The following CACNA2D1 variants were observed in gnomAD, a reference collection of about 807,000 sequenced individuals.
CACNA2D1 encodes voltage-dependent calcium channel subunit alpha-2/delta-1.
Under a neutral mutation model 171.5 loss-of-function variants are expected in CACNA2D1, and 53 were observed. The ratio of observed to expected loss-of-function variants is 0.31; its 90% CI spans 0.25 to 0.39. CACNA2D1 has a LOEUF of 0.39. CACNA2D1 is among the 10% of genes least tolerant of loss of function. The pLI is 1.00. For missense variants in CACNA2D1, 903 were observed against 1,299.8 expected, an observed-to-expected ratio of 0.69 and a Z score of 4.69; for synonymous variants, 442 against 443.1, an observed-to-expected ratio of 1.00 and a Z score of 0.03.
At chr7:82,122,485 G>C (rs1789852941) in intron 5 of CACNA2D1, among the ~76,000 whole-genome samples, 1 of 152,186 alleles carries the variant, frequency 6.6e-6, no homozygotes, top group African/African-American at 2.4e-5. Flanking sequence ...CTAGCAGGGA[G>C]TAAGGCGAGC....
At position 82,145,763 on chromosome 7, in the gene CACNA2D1, T is replaced by C. The variant is rs188895204; in HGVS notation, c.355-9087A>G. Among the ~76,000 whole-genome samples the C allele has an allele frequency of 3.6e-4, 54 of 150,140 alleles. 1 individual carries two copies. Among genetic ancestry groups the C allele is most frequent in the African/African-American group, 1.3e-3 (52 of 41,238 alleles). ...ACCTATATGTACACCCTCTAAATAG[T>C]TTACATAATAAAATAGTTAATCTTT... On this transcript the variant is annotated intron_variant, in intron 4 of 38. Coordinates refer to ENST00000356860, the MANE Select transcript of CACNA2D1 (RefSeq NM_000722.4).
At chr7:82,237,091 G>T (rs1803667866) in intron 3 of CACNA2D1, among the ~76,000 whole-genome samples, 1 of 151,496 alleles carries the variant, frequency 6.6e-6, no homozygotes, top group Non-Finnish European at 1.5e-5. Context: ...CTATAACCTG[G>T]TACTTATTTA....
chr7:82,303,057 G>T (rs550578854), intron 3 of CACNA2D1, among the ~76,000 whole-genome samples: 1 of 151,916 alleles, frequency 6.6e-6, no homozygotes. Flanking sequence ...GCAGTGGTGC[G>T]ATCTCGGCTC....
At chr7:81,978,753 G>GTGCGTGTGTGTA (rs145105210) in intron 24 of CACNA2D1, among the ~76,000 whole-genome samples, 2 of 139,476 alleles carry the variant, frequency 1.4e-5, no homozygotes, top group East Asian at 4.3e-4. Context: ...TTTAAAAAGT[G>GTGCGTGTGTGTA]TATATATATA....
At position 82,123,506 on chromosome 7, in the gene CACNA2D1, T is replaced by C. The variant is rs1258187028; in HGVS notation, c.397-6333A>G. On this transcript the variant is annotated intron_variant, in intron 5 of 38. Coordinates refer to ENST00000356860, the MANE Select transcript of CACNA2D1 (RefSeq NM_000722.4). The stretch of plus-strand genomic sequence containing the variant: ...AGAATAATGGATAGATGTAATAAAT[T>C]CAAATTTTAAATCAAAACTGTCTCC... Among the ~76,000 whole-genome samples, 6 of 152,316 alleles carry C rather than the reference T, an allele frequency of 3.9e-5. No homozygotes were observed. The East Asian group carries it at 1.2e-3, about 29-fold the overall frequency.
chr7:82,060,192 A>ACATATATATAT (rs1806574323), intron 10 of CACNA2D1, among the ~76,000 whole-genome samples: 1 of 9,746 alleles, frequency 1.0e-4, no homozygotes, highest in Non-Finnish European at 2.0e-4. Context: ...TATATATATT[A>ACATATATATAT]TATATATATT....
chr7:82,102,342 A>G (rs1812774072), intron 6 of CACNA2D1, among the ~76,000 whole-genome samples: 1 of 152,186 alleles, frequency 6.6e-6, no homozygotes, highest in African/African-American at 2.4e-5. Context: ...CCAGATTTAA[A>G]TCAATTCATT....
chr7:81,986,200 C>T (rs1178396960), intron 21 of CACNA2D1, among the ~76,000 whole-genome samples: 1 of 152,094 alleles, frequency 6.6e-6, no homozygotes, highest in Non-Finnish European at 1.5e-5. Flanking sequence ...CTCTAAAATG[C>T]CCAATCTAAC....
At position 82,092,459 on chromosome 7, in the gene CACNA2D1, G is replaced by A. The variant is rs544485106; in HGVS notation, c.527-7559C>T. 7.3e-5 allele frequency among the ~76,000 whole-genome samples: 11 copies of A among 150,646 alleles called. No individual in the cohort carries two copies. In the South Asian group the frequency reaches 1.7e-3, roughly 23 times the overall value. ...CAATCTAGGCTCACTGCCAAGCTCC[G>A]CCTCCCGGGTTCATGCCATTCTCCT... is the stretch of plus-strand genomic sequence containing the variant. On this transcript the variant is annotated intron_variant, in intron 6 of 38. Coordinates refer to ENST00000356860, the MANE Select transcript of CACNA2D1 (RefSeq NM_000722.4).
chr7:82,418,403 CATT>C (rs928583406), intron 1 of CACNA2D1, among the ~76,000 whole-genome samples: 1 of 152,026 alleles, frequency 6.6e-6, no homozygotes, highest in Non-Finnish European at 1.5e-5. Flanking sequence ...TTAAGAGCCT[CATT>C]AATGCCAATC....
At chr7:81,978,446 G>A (rs1796080001) in intron 24 of CACNA2D1, among the ~76,000 whole-genome samples, 1 of 152,010 alleles carries the variant, frequency 6.6e-6, no homozygotes, top group African/African-American at 2.4e-5. Context: ...GGATGAAGCT[G>A]GAAGCCATCA....
At chr7:82,058,783 C>G (rs1472823973) in intron 10 of CACNA2D1, among the ~76,000 whole-genome samples, 3 of 152,064 alleles carry the variant, frequency 2.0e-5, no homozygotes, top group African/African-American at 7.2e-5. Flanking sequence ...ATTCTTCTTG[C>G]CCACATGAAG....
intron 4 of CACNA2D1, among the ~76,000 whole-genome samples, chr7:82,162,402 A>AAAAG (rs1795037250): frequency 6.6e-6 from 1 of 152,070 alleles, no homozygotes; most frequent in African/African-American, 2.4e-5. Flanking sequence ...TAAGAAAGAA[A>AAAAG]TCCACGGCTA....
At chr7:82,031,521 C>T (rs1173702009) in intron 12 of CACNA2D1, among the ~76,000 whole-genome samples, 1 of 151,818 alleles carries the variant, frequency 6.6e-6, no homozygotes, top group Non-Finnish European at 1.5e-5. Flanking sequence ...TAAACAAAAA[C>T]CAAAAGATGT....
chr7:82,372,632 C>T (rs980154115), intron 1 of CACNA2D1, among the ~76,000 whole-genome samples: 1 of 151,846 alleles, frequency 6.6e-6, no homozygotes, highest in Non-Finnish European at 1.5e-5. Flanking sequence ...ATTTTCTAAT[C>T]TTACCTAAGA....
chr7:82,318,308 G>T (rs1039090859), intron 3 of CACNA2D1, among the ~76,000 whole-genome samples: 4 of 152,060 alleles, frequency 2.6e-5, no homozygotes, highest in Non-Finnish European at 1.5e-5. Context: ...TGATCTTTAT[G>T]CAACTACATA....
intron 2 of CACNA2D1, among the ~76,000 whole-genome samples, chr7:82,343,499 A>G (rs919286434): frequency 6.6e-6 from 1 of 152,244 alleles, no homozygotes; most frequent in Admixed American, 6.5e-5. Flanking sequence ...AAACTAAACT[A>G]TAACAAAGAC....
intron 18 of CACNA2D1, chr7:82,001,688 T>A: frequency 7.9e-7 from 1 of 1,266,758 alleles, no homozygotes; most frequent in East Asian, 5.0e-5. Flanking sequence ...TTTCTTAAAT[T>A]AATTGTTGGT....
chr7:81,987,624 T>A (rs889308710), intron 21 of CACNA2D1, among the ~76,000 whole-genome samples: 4 of 140,936 alleles, frequency 2.8e-5, no homozygotes, highest in African/African-American at 1.3e-4. Flanking sequence ...ACATATCATG[T>A]TTTTTCCTTC....
Sources: gnomAD v4.1 joint callset for allele counts (sites outside exome capture counted in the v4.1 genomes callset) on GRCh38, gnomAD v4.1.1 for gene constraint, MANE v1.5 for transcripts, NCBI Gene and HGNC (gene_info 2026-07-23, HGNC 2026-07-21) for gene names.